The following SH3GL2 variants were observed in gnomAD, a reference collection of about 807,000 sequenced individuals.
SH3GL2 encodes endophilin-A1.
In SH3GL2, 24 loss-of-function variants were observed where a neutral mutation model predicts 46.0. The observed-to-expected ratio is 0.52, with a 90% CI of 0.38 to 0.73. SH3GL2 has a LOEUF of 0.73. SH3GL2 is among the 30% of genes least tolerant of loss of function. The pLI, the probability that SH3GL2 is intolerant of heterozygous loss-of-function variation, is 0.00. For missense variants in SH3GL2, 413 were observed against 424.2 expected (o/e 0.97, Z 0.23); for synonymous variants, 196 against 147.1 (o/e 1.33, Z -2.40).
intron 2 of SH3GL2, among the ~76,000 whole-genome samples, chr9:17,750,068 A>G (rs780373287): frequency 1.6e-4 from 25 of 152,062 alleles, no homozygotes; most frequent in Non-Finnish European, 1.8e-4. Context: ...TTCTGTCTCT[A>G]TTGCAAATTT....
At chr9:17,794,539 C>G (rs1315747693) in intron 8 of SH3GL2, among the ~76,000 whole-genome samples, 2 of 152,090 alleles carry the variant, frequency 1.3e-5, no homozygotes, top group African/African-American at 4.8e-5. Context: ...GAAAACCAAC[C>G]ATATATTTCA....
At chr9:17,738,673 G>GAGAT (rs1230624275) in intron 1 of SH3GL2, among the ~76,000 whole-genome samples, 5 of 145,026 alleles carry the variant, frequency 3.4e-5, no homozygotes, top group African/African-American at 1.3e-4. Context: ...GAGAGAGAGA[G>GAGAT]ATAATTTTAT....
chr9:17,607,017 T>C (rs771136463), intron 1 of SH3GL2, among the ~76,000 whole-genome samples: 16 of 152,176 alleles, frequency 1.1e-4, no homozygotes, highest in Non-Finnish European at 1.6e-4. Flanking sequence ...TTTTTTCTCC[T>C]CTTCTCATAA....
chr9:17,716,436 C>G (rs1281138760), intron 1 of SH3GL2, among the ~76,000 whole-genome samples: 1 of 152,122 alleles, frequency 6.6e-6, no homozygotes, highest in East Asian at 1.9e-4. Context: ...AGCTAAAGCG[C>G]CTTGCTTTGC....
chr9:17,593,819 T>C (rs746234147), intron 1 of SH3GL2, among the ~76,000 whole-genome samples: 5 of 152,188 alleles, frequency 3.3e-5, no homozygotes, highest in Non-Finnish European at 5.9e-5. Context: ...CCATCCGTCA[T>C]CAGGCTGTGT....
intron 1 of SH3GL2, among the ~76,000 whole-genome samples, chr9:17,614,935 A>T (rs1212301125): frequency 3.3e-5 from 5 of 152,198 alleles, no homozygotes. Context: ...CCGCGACAGC[A>T]TTTCCAGGTA....
At chr9:17,704,540 A>C (rs1821421163) in intron 1 of SH3GL2, among the ~76,000 whole-genome samples, 1 of 152,134 alleles carries the variant, frequency 6.6e-6, no homozygotes, top group African/African-American at 2.4e-5. Flanking sequence ...ATTATGCTAC[A>C]GGCTATGGTA....
At chr9:17,701,722 A>C (rs1821346325) in intron 1 of SH3GL2, among the ~76,000 whole-genome samples, 1 of 152,154 alleles carries the variant, frequency 6.6e-6, no homozygotes, top group African/African-American at 2.4e-5. Flanking sequence ...CATTAAACAA[A>C]GATAAAATTC....
At chr9:17,782,831 A>C (rs1823849141) in intron 3 of SH3GL2, among the ~76,000 whole-genome samples, 2 of 152,194 alleles carry the variant, frequency 1.3e-5, no homozygotes, top group African/African-American at 4.8e-5. Flanking sequence ...ACTGGAAGCC[A>C]CAGGCACCTC....
intron 1 of SH3GL2, among the ~76,000 whole-genome samples, chr9:17,689,242 A>G (rs1821005917): frequency 6.6e-6 from 1 of 152,036 alleles, no homozygotes; most frequent in Non-Finnish European, 1.5e-5. Context: ...CAAAACTTTC[A>G]GGGTCATCAA....
chr9:17,730,606 T>C (rs1482367224), intron 1 of SH3GL2, among the ~76,000 whole-genome samples: 2 of 152,158 alleles, frequency 1.3e-5, no homozygotes, highest in South Asian at 2.1e-4. Context: ...TTGTCATAAA[T>C]AGCTCTTATT....
chr9:17,656,752 C>A, intron 1 of SH3GL2, among the ~76,000 whole-genome samples: 1 of 115,642 alleles, frequency 8.6e-6, no homozygotes. Context: ...GCCTGGGCGA[C>A]AGAGTGAGAC....
At chr9:17,607,680 T>C (rs1031699653) in intron 1 of SH3GL2, among the ~76,000 whole-genome samples, 1 of 152,234 alleles carries the variant, frequency 6.6e-6, no homozygotes, top group Admixed American at 6.5e-5. Flanking sequence ...TGTATATATT[T>C]ACATCATACT....
At chr9:17,722,056 C>T (rs998373310) in intron 1 of SH3GL2, among the ~76,000 whole-genome samples, 1 of 151,960 alleles carries the variant, frequency 6.6e-6, no homozygotes, top group East Asian at 1.9e-4. Context: ...GTTGCTATAT[C>T]CACTTGTAAG....
At chr9:17,637,674 C>G (rs531264673) in intron 1 of SH3GL2, among the ~76,000 whole-genome samples, 45 of 152,298 alleles carry the variant, frequency 3.0e-4, no homozygotes, top group African/African-American at 1.0e-3. Flanking sequence ...CTTTCTGAGC[C>G]TTAGCCTCCT....
chr9:17,675,761 A>G (rs904298679), intron 1 of SH3GL2, among the ~76,000 whole-genome samples: 2 of 152,218 alleles, frequency 1.3e-5, no homozygotes, highest in African/African-American at 2.4e-5. Flanking sequence ...CCTGGCTCAC[A>G]TGGTGAAACC....
chr9:17,581,581 A>AT (rs113838088), intron 1 of SH3GL2, among the ~76,000 whole-genome samples: 202 of 152,226 alleles, frequency 1.3e-3, no homozygotes, highest in East Asian at 4.8e-3. Flanking sequence ...TTTTGTAGCC[A>AT]TTTTTTTCCA....
intron 1 of SH3GL2, among the ~76,000 whole-genome samples, chr9:17,703,317 G>A (rs1310451258): frequency 6.6e-6 from 1 of 152,046 alleles, no homozygotes; most frequent in Non-Finnish European, 1.5e-5. Flanking sequence ...TGCATGTGAT[G>A]TCAATAATGA....
chr9:17,682,993 T>C (rs9987530), intron 1 of SH3GL2, among the ~76,000 whole-genome samples: 2 of 152,084 alleles, frequency 1.3e-5, no homozygotes, highest in Non-Finnish European at 2.9e-5. Context: ...CCAGATAGTA[T>C]ACAAAATGAC....
Sources: gnomAD v4.1 joint callset for allele counts (sites outside exome capture counted in the v4.1 genomes callset) on GRCh38, gnomAD v4.1.1 for gene constraint, MANE v1.5 for transcripts, NCBI Gene and HGNC (gene_info 2026-07-23, HGNC 2026-07-21) for gene names.